MALRD1: variants seen among roughly 807,000 people sequenced by gnomAD.
The protein encoded by MALRD1 is MAM and LDL-receptor class A domain-containing protein 1.
MALRD1 carries 247 observed loss-of-function variants against 242.1 expected under a neutral mutation model. The observed-to-expected ratio is 1.02, with a 90% CI of 0.92 to 1.13. The LOEUF (loss-of-function observed/expected upper bound fraction) is 1.13. Among genes scored for constraint, MALRD1 ranks in the 50% most tolerant of loss-of-function variants. The pLI is 0.00. For synonymous variants in MALRD1, 995 were observed against 866.6 expected (o/e 1.15, Z -2.60); for missense variants, 2,989 against 2,533.1 (o/e 1.18, Z -3.86).
chr10:19,414,333 C>A (rs183346247), intron 28 of MALRD1, among the ~76,000 whole-genome samples: 2 of 152,136 alleles, frequency 1.3e-5, no homozygotes, highest in East Asian at 3.9e-4. Flanking sequence ...TAAGATACAA[C>A]CTATGTGATA....
intron 18 of MALRD1, among the ~76,000 whole-genome samples, chr10:19,210,712 C>G (rs1452640596): frequency 6.9e-6 from 1 of 144,778 alleles, no homozygotes; most frequent in African/African-American, 2.6e-5. Flanking sequence ...TCTTCTAAGT[C>G]ATAGATGTAG....
At chr10:19,416,573 A>G (rs1286684773) in intron 28 of MALRD1, among the ~76,000 whole-genome samples, 1 of 151,652 alleles carries the variant, frequency 6.6e-6, no homozygotes, top group Non-Finnish European at 1.5e-5. Context: ...ATTCTTGTGT[A>G]TCACTCTCAA....
chr10:19,671,732 A>C (rs1405211523), intron 36 of MALRD1, among the ~76,000 whole-genome samples: 1 of 152,220 alleles, frequency 6.6e-6, no homozygotes, highest in Non-Finnish European at 1.5e-5. Context: ...GTTTCCTGGA[A>C]AATGTGGTTA....
intron 19 of MALRD1, among the ~76,000 whole-genome samples, chr10:19,278,343 TC>T (rs1439268648): frequency 1.3e-5 from 2 of 152,206 alleles, no homozygotes; most frequent in Non-Finnish European, 2.9e-5. Context: ...CTTATTTGAC[TC>T]CCATCTGATA....
chr10:19,519,679 G>C (rs1333362686), intron 31 of MALRD1, among the ~76,000 whole-genome samples: 4 of 152,026 alleles, frequency 2.6e-5, no homozygotes, highest in Non-Finnish European at 4.4e-5. Context: ...TGAGAAGATT[G>C]CTTGAGCACA....
At chr10:19,309,560 G>C (rs1842347069) in intron 21 of MALRD1, among the ~76,000 whole-genome samples, 1 of 151,538 alleles carries the variant, frequency 6.6e-6, no homozygotes, top group Non-Finnish European at 1.5e-5. Context: ...GCTTAGGTGA[G>C]ATAGTCAAAG....
intron 29 of MALRD1, chr10:19,489,047 T>C: frequency 2.2e-6 from 1 of 457,264 alleles, no homozygotes. Context: ...GCTCGGAGGG[T>C]GGAGGGGCGG....
intron 25 of MALRD1, 67 bp downstream of exon 25, chr10:19,348,085 A>G (rs1844211591): frequency 1.3e-6 from 2 of 1,491,038 alleles, no homozygotes; most frequent in Non-Finnish European, 9.0e-7. Flanking sequence ...TTATAAATTG[A>G]CATACGGAAA....
intron 11 of MALRD1, among the ~76,000 whole-genome samples, chr10:19,146,922 A>G (rs1312663222): frequency 6.6e-6 from 1 of 152,226 alleles, no homozygotes; most frequent in Non-Finnish European, 1.5e-5. Flanking sequence ...AAACTCCAAT[A>G]AAACAGAAAG....
intron 34 of MALRD1, among the ~76,000 whole-genome samples, chr10:19,597,870 C>A (rs1257134851): frequency 2.0e-5 from 3 of 152,162 alleles, no homozygotes; most frequent in African/African-American, 7.2e-5. Context: ...GACAAATAGT[C>A]ATTGGACGAA....
chr10:19,551,169 C>G (rs1464049353), intron 32 of MALRD1, among the ~76,000 whole-genome samples: 1 of 151,732 alleles, frequency 6.6e-6, no homozygotes, highest in African/African-American at 2.4e-5. Context: ...TGTTTTTGTT[C>G]CTATAAACTT....
At chr10:19,060,040 C>G (rs562644360) in intron 1 of MALRD1, among the ~76,000 whole-genome samples, 2 of 152,296 alleles carry the variant, frequency 1.3e-5, no homozygotes, top group African/African-American at 4.8e-5. Context: ...CGTGCATTGT[C>G]TAGTCCTATT....
At chr10:19,362,714 C>A (rs1238199687) in intron 26 of MALRD1, among the ~76,000 whole-genome samples, 1 of 151,960 alleles carries the variant, frequency 6.6e-6, no homozygotes, top group Admixed American at 6.6e-5. Context: ...TGGATAAAAC[C>A]CTGCAAGTGA....
intron 33 of MALRD1, among the ~76,000 whole-genome samples, chr10:19,587,275 C>G (rs1470100788): frequency 6.6e-6 from 1 of 152,178 alleles, no homozygotes; most frequent in African/African-American, 2.4e-5. Flanking sequence ...TTTTTGAATG[C>G]TGTTACTAAA....
At chr10:19,490,727 A>G (rs1271289126) in intron 29 of MALRD1, among the ~76,000 whole-genome samples, 1 of 152,162 alleles carries the variant, frequency 6.6e-6, no homozygotes, top group East Asian at 1.9e-4. Context: ...AGTTTTAGAA[A>G]AAAACACACA....
chr10:19,409,523 A>G (rs772235680), intron 28 of MALRD1, among the ~76,000 whole-genome samples: 1 of 152,168 alleles, frequency 6.6e-6, no homozygotes, highest in Non-Finnish European at 1.5e-5. Context: ...GGGAAATGGG[A>G]TAGGAGAAAA....
chr10:19,671,898 G>A (rs1841937852), intron 36 of MALRD1, among the ~76,000 whole-genome samples: 1 of 152,032 alleles, frequency 6.6e-6, no homozygotes, highest in South Asian at 2.1e-4. Flanking sequence ...ACCTTTCTTT[G>A]GTAGCAATCA....
intron 38 of MALRD1, among the ~76,000 whole-genome samples, chr10:19,692,886 T>TATATATATATATA (rs373717863): frequency 7.3e-6 from 1 of 136,850 alleles, no homozygotes; most frequent in East Asian, 2.1e-4. Context: ...TATATATATA[T>TATATATATATATA]AATTTCATCC....
chr10:19,292,835 G>A (rs1841511450), intron 21 of MALRD1, among the ~76,000 whole-genome samples: 1 of 148,138 alleles, frequency 6.8e-6, no homozygotes, highest in African/African-American at 2.5e-5. Flanking sequence ...GGAGCTTGCA[G>A]TGAGCCGAGA....
Sources: gnomAD v4.1 joint callset for allele counts (sites outside exome capture counted in the v4.1 genomes callset) on GRCh38, gnomAD v4.1.1 for gene constraint, MANE v1.5 for transcripts, NCBI Gene and HGNC (gene_info 2026-07-23, HGNC 2026-07-21) for gene names.